CFAP144: variants seen among roughly 807,000 people sequenced by gnomAD.
The protein encoded by CFAP144 is cilia- and flagella-associated protein 144.
At chr1:43,147,806 C>T in the CFAP144 span, 12 of 1,497,534 alleles carry the variant, frequency 8.0e-6, no homozygotes, top group Non-Finnish European at 9.7e-6. Flanking sequence ...AAGGGGCTGG[C>T]AGAGTGAGAC....
At chr1:43,146,659 A>G in the CFAP144 span, among the ~76,000 whole-genome samples, 1 of 152,202 alleles carries the variant, frequency 6.6e-6, no homozygotes, top group African/African-American at 2.4e-5. Context: ...AAACAATCCA[A>G]TTAAAAATTT....
the CFAP144 span, among the ~76,000 whole-genome samples, chr1:43,153,284 A>G: frequency 6.6e-6 from 1 of 152,144 alleles, no homozygotes; most frequent in African/African-American, 2.4e-5. Flanking sequence ...GTACCACTCA[A>G]TATCTCTGAG....
chr1:43,146,474 G>A, the CFAP144 span, among the ~76,000 whole-genome samples: 1 of 152,066 alleles, frequency 6.6e-6, no homozygotes, highest in African/African-American at 2.4e-5. Flanking sequence ...TGTCTTAAAT[G>A]AAAATTAAGA....
At chr1:43,147,648 G>A in the CFAP144 span, among the ~76,000 whole-genome samples, 4 of 152,222 alleles carry the variant, frequency 2.6e-5, no homozygotes, top group Non-Finnish European at 5.9e-5. Context: ...CCCTTGCCGG[G>A]AAGCCCTTTC....
chr1:43,154,102 T>G, the CFAP144 span, among the ~76,000 whole-genome samples: 3 of 118,720 alleles, frequency 2.5e-5, no homozygotes, highest in Non-Finnish European at 5.6e-5. Context: ...ATATATATAC[T>G]CTCTTTTTAT....
chr1:43,151,531 G>A, the CFAP144 span, among the ~76,000 whole-genome samples: 5 of 152,210 alleles, frequency 3.3e-5, no homozygotes, highest in Admixed American at 6.5e-5. Flanking sequence ...ACAGGGTGAG[G>A]TGGAGAAGAT....
chr1:43,148,049 T>A, the CFAP144 span: 1 of 1,613,744 alleles, frequency 6.2e-7, no homozygotes, highest in Non-Finnish European at 8.5e-7. Context: ...ACCCAGAAAC[T>A]CTACACGCAG....
chr1:43,153,404 G>A, the CFAP144 span, among the ~76,000 whole-genome samples: 3 of 152,268 alleles, frequency 2.0e-5, no homozygotes, highest in Admixed American at 6.5e-5. Flanking sequence ...GAGGTCAAGA[G>A]TTTGAGACCA....
chr1:43,153,086 T>C, the CFAP144 span: 1 of 917,518 alleles, frequency 1.1e-6, no homozygotes, highest in African/African-American at 1.7e-5. Flanking sequence ...TGACTCAGTT[T>C]AATTGTTGTA....
the CFAP144 span, among the ~76,000 whole-genome samples, chr1:43,146,234 A>G: frequency 6.6e-6 from 1 of 152,226 alleles, no homozygotes; most frequent in African/African-American, 2.4e-5. Context: ...GGACAAAACA[A>G]TGTAAAATAT....
At chr1:43,150,086 C>G in the CFAP144 span, among the ~76,000 whole-genome samples, 1 of 152,190 alleles carries the variant, frequency 6.6e-6, no homozygotes, top group African/African-American at 2.4e-5. Context: ...ATCACCCACA[C>G]CCCAGCCCCA....
the CFAP144 span, among the ~76,000 whole-genome samples, chr1:43,149,222 C>T: frequency 1.3e-5 from 2 of 152,322 alleles, no homozygotes; most frequent in East Asian, 1.9e-4. Flanking sequence ...CGACATAAGG[C>T]GCATTGGATC....
chr1:43,149,720 A>T, the CFAP144 span, among the ~76,000 whole-genome samples: 3 of 152,252 alleles, frequency 2.0e-5, no homozygotes, highest in Non-Finnish European at 2.9e-5. Context: ...ATTGGAATAA[A>T]GTGAGAAAAT....
chr1:43,149,329 T>G, the CFAP144 span, among the ~76,000 whole-genome samples: 1 of 152,242 alleles, frequency 6.6e-6, no homozygotes, highest in Non-Finnish European at 1.5e-5. Context: ...CACCAGCCAT[T>G]GCTGACGAAT....
the CFAP144 span, among the ~76,000 whole-genome samples, chr1:43,146,990 C>T: frequency 2.0e-5 from 3 of 152,158 alleles, no homozygotes; most frequent in Non-Finnish European, 1.5e-5. Flanking sequence ...GGATTACAGG[C>T]ATATGCCATC....
the CFAP144 span, among the ~76,000 whole-genome samples, chr1:43,153,698 A>C: frequency 6.6e-6 from 1 of 151,594 alleles, no homozygotes; most frequent in African/African-American, 2.4e-5. Flanking sequence ...ACAAAAAAGC[A>C]TAAAAAATGG....
At chr1:43,143,878 C>CCCT in the CFAP144 span, among the ~76,000 whole-genome samples, 78,115 of 151,978 alleles carry the variant, frequency 0.51, 22,286 homozygotes, top group African/African-American at 0.78. Flanking sequence ...CTCCTACCTG[C>CCCT]CCTCTTTTGG....
At chr1:43,150,402 T>C in the CFAP144 span, among the ~76,000 whole-genome samples, 1 of 152,216 alleles carries the variant, frequency 6.6e-6, no homozygotes, top group Non-Finnish European at 1.5e-5. Flanking sequence ...GTGATGAAAA[T>C]GTTCTCTGTC....
chr1:43,150,666 G>C, the CFAP144 span: 68,316 of 1,068,632 alleles, frequency 0.064, 3,938 homozygotes, highest in African/African-American at 0.27. Context: ...TACTCAGTGA[G>C]TGCCAAATGG....
Sources: gnomAD v4.1 joint callset for allele counts (sites outside exome capture counted in the v4.1 genomes callset) on GRCh38, gnomAD v4.1.1 for gene constraint, MANE v1.5 for transcripts, NCBI Gene and HGNC (gene_info 2026-07-23, HGNC 2026-07-21) for gene names.